Variants in KPNA3 observed in about 807,000 individuals in gnomAD.
KPNA3 encodes importin subunit alpha-4.
In KPNA3, 13 loss-of-function variants were observed where a neutral mutation model predicts 73.8. That is an observed-to-expected ratio of 0.18 (90% CI 0.11 to 0.28). The LOEUF is 0.28. KPNA3 is among the 10% of genes least tolerant of loss of function. The pLI, the probability that KPNA3 is intolerant of heterozygous loss-of-function variation, is 1.00. For synonymous variants in KPNA3, 186 were observed against 206.9 expected, an observed-to-expected ratio of 0.90 and a Z score of 0.87; for missense variants, 360 against 618.1, an observed-to-expected ratio of 0.58 and a Z score of 4.43.
At chr13:49,778,094 CAT>C (rs1431372318) in intron 1 of KPNA3, among the ~76,000 whole-genome samples, 1 of 152,172 alleles carries the variant, frequency 6.6e-6, no homozygotes, top group Non-Finnish European at 1.5e-5. Flanking sequence ...GCAGATGAAA[CAT>C]AATACTGATA....
intron 10 of KPNA3, among the ~76,000 whole-genome samples, chr13:49,712,255 G>A (rs183884191): frequency 6.8e-4 from 104 of 152,294 alleles, no homozygotes; most frequent in Middle Eastern, 6.8e-3. Context: ...ATTCTCAAAA[G>A]AGAAAAGACA....
At chr13:49,756,206 G>A (rs1160377582) in intron 1 of KPNA3, among the ~76,000 whole-genome samples, 2 of 152,282 alleles carry the variant, frequency 1.3e-5, no homozygotes, top group African/African-American at 2.4e-5. Flanking sequence ...CTCGGGAGAC[G>A]GAGGCTGCAG....
At chr13:49,777,531 G>A (rs1283782705) in intron 1 of KPNA3, among the ~76,000 whole-genome samples, 2 of 152,054 alleles carry the variant, frequency 1.3e-5, no homozygotes, top group Admixed American at 6.6e-5. Context: ...TTGAGACAGG[G>A]TCTCACTCTG....
chr13:49,732,340 A>C, intron 6 of KPNA3, 31 bp downstream of exon 6: 1 of 1,183,274 alleles, frequency 8.5e-7, no homozygotes, highest in Non-Finnish European at 1.2e-6. Context: ...TAACTGAAAA[A>C]AACTGAATAG....
intron 2 of KPNA3, among the ~76,000 whole-genome samples, chr13:49,733,804 G>A (rs982201891): frequency 2.0e-5 from 3 of 152,160 alleles, no homozygotes; most frequent in African/African-American, 7.2e-5. Context: ...TGAACACTGA[G>A]CCATGGAGAA....
intron 1 of KPNA3, among the ~76,000 whole-genome samples, chr13:49,784,239 AT>A (rs941908153): frequency 2.0e-5 from 3 of 151,758 alleles, no homozygotes; most frequent in Non-Finnish European, 4.4e-5. Context: ...ATGTTTAAAA[AT>A]TTTTTTTTAA....
Position 49,753,955 on chromosome 13 carries a change from A to C in KPNA3, c.70-6962T>G, listed in dbSNP as rs138771532. On this transcript the variant is annotated intron_variant, in intron 1 of 16. Transcript: ENST00000261667. ...CAGTATTTAACTGCTACATGCCCTG[A>C]CAATGTAGACACAAAATTGAAAGGA... Among the ~76,000 whole-genome samples the C allele has an allele frequency of 2.6e-5, 4 of 152,334 alleles. No homozygotes were observed. The East Asian group carries it at 7.7e-4, about 29-fold the overall frequency.
chr13:49,786,263 T>C (rs1398663010), intron 1 of KPNA3, among the ~76,000 whole-genome samples: 2 of 152,172 alleles, frequency 1.3e-5, no homozygotes, highest in Non-Finnish European at 2.9e-5. Context: ...TCTCATTAAG[T>C]TTCATGTTTC....
intron 15 of KPNA3, among the ~76,000 whole-genome samples, chr13:49,703,753 T>C (rs994079353): frequency 6.6e-6 from 1 of 152,178 alleles, no homozygotes; most frequent in Admixed American, 6.5e-5. Context: ...ACACATCATA[T>C]ACATGTTTAT....
intron 2 of KPNA3, among the ~76,000 whole-genome samples, chr13:49,734,054 G>C (rs1048640002): frequency 1.3e-5 from 2 of 152,192 alleles, no homozygotes; most frequent in Non-Finnish European, 2.9e-5. Context: ...CAAAAAACTA[G>C]ATGATGCACT....
intron 6 of KPNA3, 69 bp downstream of exon 6, chr13:49,732,302 G>A (rs554796864): frequency 2.9e-6 from 2 of 690,606 alleles, no homozygotes; most frequent in Non-Finnish European, 5.0e-6. Context: ...TGAACTCACT[G>A]GTTAAGTAAT....
At position 49,783,846 on chromosome 13, in the gene KPNA3, G is replaced by A. The variant is rs75973996; in HGVS notation, c.69+8592C>T. On this transcript the variant is annotated intron_variant, in intron 1 of 16. Coordinates refer to ENST00000261667, the MANE Select transcript of KPNA3 (RefSeq NM_002267.4). Reference sequence around the variant, plus strand: ...TTGTTCTTTATCACCTGAACCCTACGATCATTCTTATTATCATTACTGAGA... The same window carrying A: ...TTGTTCTTTATCACCTGAACCCTACAATCATTCTTATTATCATTACTGAGA... Among the ~76,000 whole-genome samples, 1,215 of 152,120 alleles carry A rather than the reference G, an allele frequency of 8.0e-3. 52 individuals are homozygous for A. In the East Asian group the frequency reaches 0.13, roughly 16 times the overall value.
At chr13:49,743,303 T>G (rs1566347696) in intron 2 of KPNA3, among the ~76,000 whole-genome samples, 1 of 152,112 alleles carries the variant, frequency 6.6e-6, no homozygotes, top group Non-Finnish European at 1.5e-5. Context: ...AGGCCTGGAA[T>G]CAGGGACAGA....
chr13:49,743,009 TAAGA>T (rs1954587123), intron 2 of KPNA3, among the ~76,000 whole-genome samples: 1 of 120,776 alleles, frequency 8.3e-6, no homozygotes, highest in Non-Finnish European at 2.0e-5. Flanking sequence ...TGAGATGGGC[TAAGA>T]AAGAGACTTA....
At chr13:49,702,632 A>G in intron 15 of KPNA3, 152 bp from the exon 16 acceptor site, 1 of 499,396 alleles carries the variant, frequency 2.0e-6, no homozygotes, top group South Asian at 2.8e-5. Flanking sequence ...AACAGACAAA[A>G]CACGGGGCTG....
At chr13:49,767,359 A>G (rs1488845330) in intron 1 of KPNA3, among the ~76,000 whole-genome samples, 2 of 151,306 alleles carry the variant, frequency 1.3e-5, no homozygotes, top group African/African-American at 2.4e-5. Context: ...GGTTGCAGTG[A>G]GCCGAGATCA....
intron 16 of KPNA3, 97 bp downstream of exon 16, chr13:49,702,289 T>G: frequency 1.4e-6 from 1 of 695,402 alleles, no homozygotes; most frequent in Non-Finnish European, 2.5e-6. Flanking sequence ...TACAAACTTA[T>G]GTCATCCTAA....
intron 10 of KPNA3, among the ~76,000 whole-genome samples, chr13:49,711,847 G>A (rs1954262969): frequency 6.6e-6 from 1 of 152,104 alleles, no homozygotes; most frequent in Non-Finnish European, 1.5e-5. Flanking sequence ...TTCAAAAAAG[G>A]ATATAGATGA....
chr13:49,724,481 G>C (rs1478122346), intron 7 of KPNA3, among the ~76,000 whole-genome samples: 8 of 151,838 alleles, frequency 5.3e-5, no homozygotes. Flanking sequence ...TTTTGTTTTT[G>C]TATTTTTAGT....
Sources: gnomAD v4.1 joint callset for allele counts (sites outside exome capture counted in the v4.1 genomes callset) on GRCh38, gnomAD v4.1.1 for gene constraint, MANE v1.5 for transcripts, NCBI Gene and HGNC (gene_info 2026-07-23, HGNC 2026-07-21) for gene names.